The following IQSEC1 variants were observed in gnomAD, a reference collection of about 807,000 sequenced individuals.
IQSEC1 encodes the protein IQ motif and SEC7 domain-containing protein 1.
A neutral mutation model predicts 91.0 loss-of-function variants in IQSEC1; 31 were observed. The ratio of observed to expected loss-of-function variants is 0.34; its 90% CI spans 0.26 to 0.46. IQSEC1 has a LOEUF of 0.46. IQSEC1 is among the 20% of genes least tolerant of loss of function. IQSEC1 has a pLI of 1.00. For synonymous variants in IQSEC1, 699 were observed against 662.6 expected (o/e 1.05, Z -0.84); for missense variants, 1,388 against 1,575.6 (o/e 0.88, Z 2.02).
At chr3:13,210,248 G>C (rs539466512) in intron 1 of IQSEC1, among the ~76,000 whole-genome samples, 132 of 152,134 alleles carry the variant, frequency 8.7e-4, no homozygotes, top group African/African-American at 3.0e-3. Context: ...AGGCTGGGGG[G>C]ACCCAGTGAG....
At chr3:13,270,468 G>C (rs979730223) in intron 1 of IQSEC1, among the ~76,000 whole-genome samples, 2 of 152,152 alleles carry the variant, frequency 1.3e-5, no homozygotes, top group Non-Finnish European at 2.9e-5. Context: ...CCCAGTTTGT[G>C]ATGGGTCTGC....
At chr3:13,202,492 C>A (rs548856245) in intron 1 of IQSEC1, among the ~76,000 whole-genome samples, 16 of 152,106 alleles carry the variant, frequency 1.1e-4, no homozygotes, top group Non-Finnish European at 1.6e-4. Flanking sequence ...CATGGATGAA[C>A]CTTGAGGACG....
chr3:12,902,691 A>ACCAGGAC, intron 13 of IQSEC1, 82 bp downstream of exon 13: 2 of 720,604 alleles, frequency 2.8e-6, no homozygotes, highest in Non-Finnish European at 2.3e-6. Context: ...AAAAAAAAAA[A>ACCAGGAC]AAACCAGGAC....
At chr3:13,029,679 A>T (rs531281572) in intron 1 of IQSEC1, among the ~76,000 whole-genome samples, 41 of 152,272 alleles carry the variant, frequency 2.7e-4, no homozygotes, top group Admixed American at 7.8e-4. Flanking sequence ...CTTGTGCGTG[A>T]GCGTGAGTGT....
rs370534423 is a variant in IQSEC1 at position 13,026,864 on chromosome 3, G to GCTTTTTTTTTTTTTTTTTT, written c.23+46127_23+46128insAAAAAAAAAAAAAAAAAAG. On this transcript the variant is annotated intron_variant, in intron 1 of 13. Transcript: ENST00000613206. Reference sequence around the variant, plus strand: ...TGAAGTAGCAGTTATTATCTCCCCAGTTTTTTTTTTTTTTGTTTGTTTTTT... The same window carrying GCTTTTTTTTTTTTTTTTTT: ...TGAAGTAGCAGTTATTATCTCCCCAGCTTTTTTTTTTTTTTTTTTTTTTTTTTTTTTTTGTTTGTTTTTT... Among the ~76,000 whole-genome samples the GCTTTTTTTTTTTTTTTTTT allele has an allele frequency of 4.4e-5, 4 of 90,864 alleles. 2 individuals are homozygous for GCTTTTTTTTTTTTTTTTTT. The highest frequency in any genetic ancestry group is 4.9e-5 in the Non-Finnish European group (2 of 40,730). 59.6% of individuals were successfully genotyped at this position (90,864 alleles called of 152,430 possible). A position where few individuals can be genotyped will look rare whatever the true frequency, so the allele number is the denominator to read the frequency against.
At chr3:12,947,096 G>A (rs557317140) in intron 1 of IQSEC1, among the ~76,000 whole-genome samples, 9 of 152,338 alleles carry the variant, frequency 5.9e-5, no homozygotes, top group Admixed American at 4.6e-4. Context: ...ATCAAGAGCT[G>A]GGGCTGTGCA....
chr3:13,175,773 C>A (rs1385747731), intron 1 of IQSEC1, among the ~76,000 whole-genome samples: 2 of 152,246 alleles, frequency 1.3e-5, no homozygotes, highest in Non-Finnish European at 2.9e-5. Context: ...TCACAGATGG[C>A]ACTTTGGTGC....
chr3:13,169,072 T>A (rs997781467), intron 1 of IQSEC1, among the ~76,000 whole-genome samples: 3 of 152,192 alleles, frequency 2.0e-5, no homozygotes, highest in African/African-American at 7.2e-5. Context: ...ATACAAAAAT[T>A]AACTCAGGGT....
chr3:13,199,588 C>T, intron 1 of IQSEC1, among the ~76,000 whole-genome samples: 1 of 152,200 alleles, frequency 6.6e-6, no homozygotes, highest in African/African-American at 2.4e-5. Flanking sequence ...TCCCACCGAC[C>T]AAGGCCAGCC....
intron 1 of IQSEC1, among the ~76,000 whole-genome samples, chr3:13,277,085 A>T (rs1695696919): frequency 7.1e-6 from 1 of 139,968 alleles, no homozygotes; most frequent in South Asian, 2.6e-4. Flanking sequence ...TTCCCAAGTT[A>T]GGCAAAGCAT....
intron 1 of IQSEC1, among the ~76,000 whole-genome samples, chr3:13,040,321 GTT>G (rs775669274): frequency 1.1e-4 from 16 of 152,310 alleles, no homozygotes; most frequent in Non-Finnish European, 1.8e-4. Context: ...TGCACCCTCT[GTT>G]TATACCCCAT....
At chr3:13,138,568 G>A (rs1415468087) in intron 2 of IQSEC1, among the ~76,000 whole-genome samples, 1 of 152,110 alleles carries the variant, frequency 6.6e-6, no homozygotes, top group African/African-American at 2.4e-5. Flanking sequence ...ATGCTGCCAG[G>A]CTCCCGGCAG....
At chr3:13,270,550 G>T (rs1316315928) in intron 1 of IQSEC1, among the ~76,000 whole-genome samples, 2 of 152,170 alleles carry the variant, frequency 1.3e-5, no homozygotes, top group Non-Finnish European at 1.5e-5. Context: ...TCCCTGTCCA[G>T]ATCCTGCCCC....
chr3:12,901,470 T>C lies in IQSEC1; in HGVS notation c.2858A>G (p.Glu953Gly). Residue 953 changes from glutamate to glycine, a missense_variant, in exon 14 of 14, where the codon GAG (glutamate) becomes GGG (glycine). By Grantham distance (98) the Glu-to-Gly change is moderately conservative. This residue lies in a region of IQSEC1 where 329 missense variants were observed against 257.8 expected (regional missense o/e 1.28). Coordinates refer to ENST00000613206, the MANE Select transcript of IQSEC1 (RefSeq NM_001134382.3). ...AGTCTGGTGTGGGCGAGATGGACACTCTCGTGTTGATGTAGCTCTCCGGCG... is the reference window on the plus strand; with the variant it reads ...AGTCTGGTGTGGGCGAGATGGACACCCTCGTGTTGATGTAGCTCTCCGGCG... ...HMRRRATSTR[E>G]CPSRPHQTMP... 1 of 1,549,606 alleles carries C rather than the reference T, an allele frequency of 6.5e-7. No homozygotes were observed. Among genetic ancestry groups the C allele is most frequent in the Non-Finnish European group, 8.7e-7 (1 of 1,146,828 alleles).
chr3:13,276,417 A>G (rs1357104897), intron 1 of IQSEC1, among the ~76,000 whole-genome samples: 2 of 152,090 alleles, frequency 1.3e-5, no homozygotes, highest in Non-Finnish European at 2.9e-5. Context: ...TGCCCTGGCT[A>G]TTCCTCCCCT....
At chr3:12,989,250 A>G (rs1701881855) in intron 1 of IQSEC1, among the ~76,000 whole-genome samples, 1 of 152,146 alleles carries the variant, frequency 6.6e-6, no homozygotes, top group Non-Finnish European at 1.5e-5. Flanking sequence ...CCAGCACCAA[A>G]CTGAAAATCT....
chr3:13,047,340 C>T (rs1704534491), intron 1 of IQSEC1: 1 of 241,320 alleles, frequency 4.1e-6, no homozygotes, highest in African/African-American at 2.3e-5. Context: ...GTACCTCTGG[C>T]CCTTGGGGGA....
chr3:13,283,214 G>C (rs1370548173), exon 1 of IQSEC1, among the ~76,000 whole-genome samples: 1 of 148,156 alleles, frequency 6.7e-6, no homozygotes, highest in Non-Finnish European at 1.5e-5. Context: ...GCGGCAGGGC[G>C]CGGAGCTGCG....
chr3:13,182,272 C>G (rs1043001802), intron 1 of IQSEC1, among the ~76,000 whole-genome samples: 1 of 152,226 alleles, frequency 6.6e-6, no homozygotes, highest in Admixed American at 6.5e-5. Flanking sequence ...GTCTGATGCT[C>G]CCATCTGTGA....
Sources: gnomAD v4.1 joint callset for allele counts (sites outside exome capture counted in the v4.1 genomes callset) on GRCh38, gnomAD v4.1.1 for gene constraint, gnomAD v4.1.1 regional missense constraint, MANE v1.5 for transcripts, NCBI Gene and HGNC (gene_info 2026-07-23, HGNC 2026-07-21) for gene names.